Variants in PDE4B observed in about 807,000 individuals in gnomAD.
PDE4B encodes phosphodiesterase 4B, also known as 3',5'-cyclic-AMP phosphodiesterase 4B.
PDE4B carries 20 observed loss-of-function variants against 82.2 expected under a neutral mutation model. The observed-to-expected ratio is 0.24, with a 90% CI of 0.17 to 0.35. PDE4B has a LOEUF of 0.35. Among genes scored for constraint, PDE4B ranks in the 10% least tolerant of loss-of-function variants. The probability of loss-of-function intolerance (pLI) is 1.00; values close to 1 mark genes in which losing one functional copy is unlikely to be tolerated. For missense variants in PDE4B, 655 were observed against 907.2 expected (o/e 0.72, Z 3.57); for synonymous variants, 320 against 318.9 (o/e 1.00, Z -0.04).
intron 1 of PDE4B, among the ~76,000 whole-genome samples, chr1:65,899,941 G>C (rs542125578): frequency 2.2e-4 from 33 of 151,962 alleles, no homozygotes; most frequent in African/African-American, 7.5e-4. Context: ...TATGCAGCTT[G>C]ATTTATGGGT....
chr1:66,257,466 T>C (rs758845253), intron 4 of PDE4B, 181 bp from the exon 5 acceptor site: 13 of 775,840 alleles, frequency 1.7e-5, no homozygotes, highest in South Asian at 1.2e-4. Flanking sequence ...TACTAATTTT[T>C]TCCTTTCAAG....
intron 16 of PDE4B, among the ~76,000 whole-genome samples, chr1:66,370,073 C>T (rs1420948649): frequency 6.7e-6 from 1 of 149,378 alleles, no homozygotes; most frequent in African/African-American, 2.5e-5. Flanking sequence ...ATTGCTTGAA[C>T]CCAGGAGGCG....
chr1:66,075,255 C>T (rs1245427468), intron 3 of PDE4B, among the ~76,000 whole-genome samples: 1 of 151,998 alleles, frequency 6.6e-6, no homozygotes. Flanking sequence ...CATGCTAAGC[C>T]CCAATTTTGG....
At chr1:66,047,907 A>G (rs1430147777) in intron 3 of PDE4B, among the ~76,000 whole-genome samples, 1 of 151,964 alleles carries the variant, frequency 6.6e-6, no homozygotes, top group African/African-American at 2.4e-5. Context: ...TGTCTTGTTA[A>G]TACTGGTGAT....
intron 16 of PDE4B, 57 bp downstream of exon 16, chr1:66,369,026 G>A (rs1663468579): frequency 1.5e-6 from 2 of 1,324,686 alleles, no homozygotes; most frequent in East Asian, 2.4e-5. Flanking sequence ...TAGAGCTGGA[G>A]GGTTCTATTT....
chr1:66,208,069 T>A (rs1032830605), intron 3 of PDE4B, among the ~76,000 whole-genome samples: 40 of 152,332 alleles, frequency 2.6e-4, no homozygotes, highest in African/African-American at 9.4e-4. Context: ...TGGTATATTT[T>A]TCCACTGCTT....
At chr1:66,208,843 T>C (rs148367070) in intron 3 of PDE4B, among the ~76,000 whole-genome samples, 33 of 152,328 alleles carry the variant, frequency 2.2e-4, no homozygotes, top group African/African-American at 7.7e-4. Context: ...TTATCTCATT[T>C]AATTCTTACC....
chr1:65,824,984 T>C (rs116245572), intron 1 of PDE4B, among the ~76,000 whole-genome samples: 2,793 of 152,286 alleles, frequency 0.018, 85 homozygotes, highest in African/African-American at 0.064. Context: ...ATGTGGGTGT[T>C]TTCTTTCATG....
chr1:66,021,398 A>G (rs753851894), intron 3 of PDE4B, among the ~76,000 whole-genome samples: 10 of 152,302 alleles, frequency 6.6e-5, no homozygotes, highest in Admixed American at 4.6e-4. Context: ...GCCCATGCCT[A>G]TGTCCTGAAT....
intron 1 of PDE4B, among the ~76,000 whole-genome samples, chr1:65,899,991 A>G (rs1569610382): frequency 1.3e-5 from 2 of 152,190 alleles, no homozygotes; most frequent in East Asian, 3.9e-4. Context: ...GAACTTACCC[A>G]TGTAACCAAA....
chr1:65,941,585 C>G (rs1410019322), intron 3 of PDE4B, among the ~76,000 whole-genome samples: 2 of 151,888 alleles, frequency 1.3e-5, no homozygotes, highest in Non-Finnish European at 2.9e-5. Flanking sequence ...GGGAGGCAGA[C>G]AGTGACCCAT....
intron 8 of PDE4B, among the ~76,000 whole-genome samples, chr1:66,344,557 C>T (rs939262383): frequency 6.6e-6 from 1 of 152,122 alleles, no homozygotes; most frequent in African/African-American, 2.4e-5. Flanking sequence ...AGGTCACATA[C>T]TGCTTTTCAA....
intron 3 of PDE4B, among the ~76,000 whole-genome samples, chr1:66,221,330 G>T (rs1408490896): frequency 1.3e-5 from 2 of 152,098 alleles, no homozygotes; most frequent in Non-Finnish European, 1.5e-5. Context: ...TGTTTAGGTT[G>T]TGTAGACCCC....
chr1:66,315,604 C>T (rs923446499), intron 7 of PDE4B, among the ~76,000 whole-genome samples: 4 of 151,994 alleles, frequency 2.6e-5, no homozygotes, highest in East Asian at 1.9e-4. Context: ...TATAGGCACA[C>T]GCCACCACGC....
intron 3 of PDE4B, among the ~76,000 whole-genome samples, chr1:66,041,260 C>T (rs1291875081): frequency 2.6e-5 from 4 of 151,872 alleles, no homozygotes; most frequent in African/African-American, 9.7e-5. Flanking sequence ...TCATAGTTGG[C>T]TTCTATTGAT....
chr1:66,216,145 G>T (rs1443984962), intron 3 of PDE4B, among the ~76,000 whole-genome samples: 1 of 150,424 alleles, frequency 6.6e-6, no homozygotes, highest in Non-Finnish European at 1.5e-5. Flanking sequence ...TGTCGGTGAG[G>T]GTATTTCTGA....
chr1:66,127,696 T>C (rs1404073521), intron 3 of PDE4B, among the ~76,000 whole-genome samples: 1 of 152,132 alleles, frequency 6.6e-6, no homozygotes, highest in Admixed American at 6.5e-5. Flanking sequence ...TGTAAAAAGG[T>C]GTAGGGCTAT....
intron 3 of PDE4B, among the ~76,000 whole-genome samples, chr1:66,173,093 G>A (rs547134604): frequency 3.9e-5 from 6 of 152,198 alleles, no homozygotes; most frequent in Non-Finnish European, 8.8e-5. Flanking sequence ...CAGATTGGGG[G>A]TAAAGGAGGT....
At chr1:66,165,094 C>T (rs1262676317) in intron 3 of PDE4B, among the ~76,000 whole-genome samples, 1 of 152,092 alleles carries the variant, frequency 6.6e-6, no homozygotes, top group African/African-American at 2.4e-5. Flanking sequence ...TGAATTCCTG[C>T]ACTGCTGCTA....
Sources: allele counts gnomAD v4.1 joint callset (sites outside exome capture counted in the v4.1 genomes callset), GRCh38; gene constraint gnomAD v4.1.1; transcripts MANE v1.5; gene names NCBI Gene and HGNC (gene_info 2026-07-23, HGNC 2026-07-21).